The following ZNF81 variants were observed in gnomAD, a reference collection of about 807,000 sequenced individuals.
The protein encoded by ZNF81 is zinc finger protein 81.
In ZNF81, 5 loss-of-function variants were observed where a neutral mutation model predicts 32.3. The observed-to-expected ratio is 0.15, with a 90% confidence interval of 0.08 to 0.33. The LOEUF is 0.33. Among genes scored for constraint, ZNF81 ranks in the 10% least tolerant of loss-of-function variants. The pLI, the probability that ZNF81 is intolerant of heterozygous loss-of-function variation, is 1.00. For missense variants in ZNF81, 379 were observed against 479.8 expected (o/e 0.79, Z 1.96); for synonymous variants, 163 against 166.8 (o/e 0.98, Z 0.17).
rs1025189200 is a variant in ZNF81 at position 47,837,055 on chromosome X, A to G, written c.-164+68A>G. On this transcript the variant is annotated intron_variant, in intron 1 of 4. Transcript: ENST00000338637. Reference sequence around the variant, plus strand: ...TGGCCAGTGATGGAATCGTTTATCTAACTTGAGTTGGATGATTCACTCATC... The same window carrying G: ...TGGCCAGTGATGGAATCGTTTATCTGACTTGAGTTGGATGATTCACTCATC... The G allele has an allele frequency of 1.3e-4, 19 of 143,273 alleles. 1 individual carries two copies. Among genetic ancestry groups the G allele is most frequent in the Non-Finnish European group, 2.0e-4 (14 of 70,424 alleles). 11.8% of individuals were successfully genotyped at this position (143,273 alleles called of 1,213,427 possible).
chrX:47,848,131 G>A (rs1412598992), intron 2 of ZNF81, among the ~76,000 whole-genome samples: 3 of 110,639 alleles, frequency 2.7e-5, no homozygotes, highest in Non-Finnish European at 5.7e-5. Context: ...TAGCCAGGAT[G>A]GTCTCGATCT....
chrX:47,868,859 AG>A (rs1266002182), intron 2 of ZNF81, among the ~76,000 whole-genome samples: 2 of 103,611 alleles, frequency 1.9e-5, no homozygotes, highest in Non-Finnish European at 3.9e-5. Flanking sequence ...AGACAGTTCA[AG>A]AAAAACCATC....
intron 2 of ZNF81, among the ~76,000 whole-genome samples, chrX:47,878,180 C>T (rs782519653): frequency 1.8e-4 from 20 of 111,808 alleles, no homozygotes; most frequent in Non-Finnish European, 3.2e-4. Flanking sequence ...TTCCTGGTTT[C>T]TGTGCCTACC....
intron 4 of ZNF81, among the ~76,000 whole-genome samples, chrX:47,896,342 C>T (rs966957545): frequency 9.0e-5 from 10 of 111,431 alleles, no homozygotes; most frequent in Non-Finnish European, 1.3e-4. Context: ...TTTGAAAATC[C>T]GTTGGTTGCC....
At chrX:47,841,423 G>C in intron 1 of ZNF81, 1 of 911,252 alleles carries the variant, frequency 1.1e-6, no homozygotes, top group Non-Finnish European at 1.6e-6. Flanking sequence ...CAATCCTTTC[G>C]ATGTGTATGA....
intron 2 of ZNF81, among the ~76,000 whole-genome samples, 200 bp downstream of exon 2, chrX:47,846,521 T>C (rs1439017353): frequency 1.8e-5 from 2 of 112,515 alleles, no homozygotes; most frequent in Non-Finnish European, 3.7e-5. Context: ...TCTTAGCTTA[T>C]GGATTTTAAA....
chrX:47,847,460 A>G (rs1349723994), intron 2 of ZNF81, among the ~76,000 whole-genome samples: 1 of 112,053 alleles, frequency 8.9e-6, no homozygotes, highest in Non-Finnish European at 1.9e-5. Flanking sequence ...TACACAGTAA[A>G]TAGCCAGTAA....
chrX:47,864,361 C>A (rs1028539664), intron 2 of ZNF81, among the ~76,000 whole-genome samples: 1 of 111,750 alleles, frequency 8.9e-6, no homozygotes, highest in East Asian at 2.8e-4. Context: ...CTGAAAATAG[C>A]CACAATTATG....
intron 2 of ZNF81, among the ~76,000 whole-genome samples, chrX:47,887,250 G>A (rs1249325775): frequency 1.8e-5 from 2 of 111,414 alleles, no homozygotes; most frequent in African/African-American, 6.5e-5. Flanking sequence ...AACATTAGGG[G>A]GTATAAATCC....
rs200074368 is a variant in ZNF81, at chrX:47,915,155, A to G, written c.509A>G (p.Lys170Arg). Reference protein sequence around the residue: ...ILNTEWDYEYKDFGKFVHPSP... With the variant: ...ILNTEWDYEYRDFGKFVHPSP... ...AATACAGAGTGGGATTATGAATATA[A>G]AGACTTTGGAAAATTTGTTCATCCA... Residue 170 changes from lysine to arginine, a missense_variant, in exon 5 of 5, where the codon AAA (lysine) becomes AGA (arginine). Coordinates refer to ENST00000338637, the MANE Select transcript of ZNF81 (RefSeq NM_007137.5). 138 of 1,198,016 alleles carry G rather than the reference A, an allele frequency of 1.2e-4. No individual in the cohort carries two copies. In the African/African-American group the frequency reaches 2.2e-3, roughly 19 times the overall value.
In ZNF81 at chrX:47,924,003, C is replaced by T. The variant is rs1404898154; in HGVS notation, c.*7371C>T. 9.0e-6 allele frequency among the ~76,000 whole-genome samples: 1 copy of T among 111,616 alleles called. No homozygotes were observed. Among genetic ancestry groups the T allele is most frequent in the Admixed American group, 9.5e-5 (1 of 10,522 alleles). On this transcript the variant is annotated 3_prime_UTR_variant, in exon 5 of 5. Transcript: ENST00000338637. The stretch of plus-strand genomic sequence containing the variant: ...CACAAAAGCTTCTCATGGACTTCTC[C>T]ACCAGCTTCTCATGGCAGTCCCACA...
intron 4 of ZNF81, among the ~76,000 whole-genome samples, chrX:47,910,539 A>C (rs933215688): frequency 8.9e-5 from 10 of 112,085 alleles, no homozygotes; most frequent in Admixed American, 1.9e-4. Flanking sequence ...CAATGAGATA[A>C]CATCTCACAC....
intron 4 of ZNF81, among the ~76,000 whole-genome samples, chrX:47,903,812 ACTACAAGG>A (rs1254854953): frequency 1.2e-3 from 130 of 105,141 alleles, no homozygotes; most frequent in African/African-American, 4.3e-3. Context: ...TTCAAACTAT[ACTACAAGG>A]CTACAGTAAC....
At chrX:47,852,549 G>A (rs1015258616) in intron 2 of ZNF81, among the ~76,000 whole-genome samples, 1 of 112,274 alleles carries the variant, frequency 8.9e-6, no homozygotes, top group Non-Finnish European at 1.9e-5. Context: ...AGTAGATTCT[G>A]TCTCAAGAAA....
chrX:47,866,194 C>T (rs781843214), intron 2 of ZNF81, among the ~76,000 whole-genome samples: 29 of 111,795 alleles, frequency 2.6e-4, no homozygotes, highest in Non-Finnish European at 4.9e-4. Context: ...AGTGTGCTGG[C>T]GGAAGTCACC....
intron 1 of ZNF81, among the ~76,000 whole-genome samples, chrX:47,839,408 G>A (rs1245423912): frequency 9.0e-6 from 1 of 111,512 alleles, no homozygotes; most frequent in Non-Finnish European, 1.9e-5. Context: ...CTTTCTGAGT[G>A]CCAACATAAT....
At chrX:47,912,944 A>T (rs782173877) in intron 4 of ZNF81, among the ~76,000 whole-genome samples, 5 of 111,432 alleles carry the variant, frequency 4.5e-5, no homozygotes, top group African/African-American at 1.6e-4. Context: ...GGGGAAACAG[A>T]TTCTAGTGGG....
intron 3 of ZNF81, among the ~76,000 whole-genome samples, chrX:47,890,121 C>T (rs1381358668): frequency 1.8e-5 from 2 of 111,644 alleles, no homozygotes; most frequent in Non-Finnish European, 3.8e-5. Context: ...GTTTACTACC[C>T]ACTTTGGGGT....
intron 2 of ZNF81, among the ~76,000 whole-genome samples, chrX:47,863,197 G>A (rs1372673982): frequency 1.8e-5 from 2 of 111,417 alleles, no homozygotes; most frequent in African/African-American, 6.6e-5. Flanking sequence ...GAGTTCTGGT[G>A]GAATTCAACA....
Sources: allele counts gnomAD v4.1 joint callset (sites outside exome capture counted in the v4.1 genomes callset), GRCh38; gene constraint gnomAD v4.1.1; transcripts MANE v1.5; gene names NCBI Gene and HGNC (gene_info 2026-07-23, HGNC 2026-07-21).